Variants in ABTB3 observed in about 807,000 individuals in gnomAD.
ABTB3 encodes the protein ankyrin repeat and BTB domain containing 3.
At chr12:107,341,384 C>G in the ABTB3 span, among the ~76,000 whole-genome samples, 8 of 152,116 alleles carry the variant, frequency 5.3e-5, no homozygotes, top group Non-Finnish European at 1.2e-4. Flanking sequence ...TGCCCCAACC[C>G]CGTGAGGCTG....
chr12:107,423,651 A>G, the ABTB3 span, among the ~76,000 whole-genome samples: 2 of 152,114 alleles, frequency 1.3e-5, no homozygotes, highest in East Asian at 3.8e-4. Flanking sequence ...CGTGATGCCA[A>G]ATGACCCTGG....
chr12:107,635,372 A>G, the ABTB3 span: 5 of 1,613,966 alleles, frequency 3.1e-6, no homozygotes, highest in Non-Finnish European at 4.2e-6. Context: ...AATCAAACGG[A>G]AACAGACCTC....
chr12:107,354,608 C>T, the ABTB3 span, among the ~76,000 whole-genome samples: 2 of 152,194 alleles, frequency 1.3e-5, no homozygotes, highest in Non-Finnish European at 2.9e-5. Flanking sequence ...AAATAATATT[C>T]AATTGCATGG....
the ABTB3 span, among the ~76,000 whole-genome samples, chr12:107,504,109 C>T: frequency 5.3e-5 from 8 of 152,256 alleles, no homozygotes; most frequent in African/African-American, 1.7e-4. Flanking sequence ...CAATGACAAA[C>T]GAGAATTTAG....
chr12:107,521,263 T>TTTTGTGTGTG, the ABTB3 span, among the ~76,000 whole-genome samples: 1 of 142,864 alleles, frequency 7.0e-6, no homozygotes, highest in Non-Finnish European at 1.5e-5. Flanking sequence ...TTCATATAAG[T>TTTTGTGTGTG]TGTGTGTGTG....
At chr12:107,630,496 G>A in the ABTB3 span, among the ~76,000 whole-genome samples, 6 of 151,914 alleles carry the variant, frequency 3.9e-5, no homozygotes, top group Non-Finnish European at 8.8e-5. Flanking sequence ...ATTTTTAGAG[G>A]TGGGGTTTTG....
At chr12:107,527,235 A>G in the ABTB3 span, among the ~76,000 whole-genome samples, 1 of 151,810 alleles carries the variant, frequency 6.6e-6, no homozygotes, top group African/African-American at 2.4e-5. Flanking sequence ...CCCCACCAAG[A>G]CTGTAAATCC....
At chr12:107,451,607 C>T in the ABTB3 span, among the ~76,000 whole-genome samples, 1 of 152,150 alleles carries the variant, frequency 6.6e-6, no homozygotes, top group South Asian at 2.1e-4. Context: ...GCAGGCAAGG[C>T]CATTGGAATC....
chr12:107,593,939 C>T, the ABTB3 span, among the ~76,000 whole-genome samples: 3 of 152,270 alleles, frequency 2.0e-5, no homozygotes, highest in East Asian at 5.8e-4. Context: ...GGTCATATGC[C>T]CATACATAGC....
chr12:107,572,363 C>G, the ABTB3 span, among the ~76,000 whole-genome samples: 1 of 151,700 alleles, frequency 6.6e-6, no homozygotes, highest in East Asian at 2.0e-4. Flanking sequence ...TGTGAGAGGC[C>G]AGAAGTCCAA....
At chr12:107,496,817 G>C in the ABTB3 span, among the ~76,000 whole-genome samples, 1 of 152,158 alleles carries the variant, frequency 6.6e-6, no homozygotes, top group Non-Finnish European at 1.5e-5. Context: ...GAGTCAATAA[G>C]TAACAAAGCT....
At chr12:107,438,098 C>T in the ABTB3 span, among the ~76,000 whole-genome samples, 4 of 152,092 alleles carry the variant, frequency 2.6e-5, no homozygotes, top group African/African-American at 4.8e-5. Flanking sequence ...AGACCCTGAG[C>T]GGGGCCCAGA....
At chr12:107,471,668 C>A in the ABTB3 span, among the ~76,000 whole-genome samples, 1 of 152,134 alleles carries the variant, frequency 6.6e-6, no homozygotes, top group Non-Finnish European at 1.5e-5. Context: ...GCATCCCTGG[C>A]AAGAGACACA....
At chr12:107,654,142 T>C in the ABTB3 span, among the ~76,000 whole-genome samples, 1,152 of 152,334 alleles carry the variant, frequency 7.6e-3, 40 homozygotes, top group East Asian at 0.035. Flanking sequence ...CTGAATAATA[T>C]TTCATTGCAT....
chr12:107,410,292 A>G, the ABTB3 span, among the ~76,000 whole-genome samples: 1 of 150,868 alleles, frequency 6.6e-6, no homozygotes, highest in Non-Finnish European at 1.5e-5. Flanking sequence ...TAGGCAGAGG[A>G]AAAAGTACAA....
At chr12:107,374,582 G>A in the ABTB3 span, among the ~76,000 whole-genome samples, 2 of 152,164 alleles carry the variant, frequency 1.3e-5, no homozygotes, top group Non-Finnish European at 2.9e-5. Context: ...AGGATTCTTG[G>A]CTGTCCTGCT....
At chr12:107,602,791 G>T in the ABTB3 span, among the ~76,000 whole-genome samples, 3 of 152,136 alleles carry the variant, frequency 2.0e-5, no homozygotes, top group Non-Finnish European at 4.4e-5. Flanking sequence ...TTAACTCCCC[G>T]CCTCGGTGCC....
chr12:107,500,348 A>G, the ABTB3 span, among the ~76,000 whole-genome samples: 2 of 150,916 alleles, frequency 1.3e-5, no homozygotes, highest in Admixed American at 1.3e-4. Context: ...CCCCATGCCC[A>G]CCCCCAGGTT....
the ABTB3 span, among the ~76,000 whole-genome samples, chr12:107,644,303 G>C: frequency 6.6e-6 from 1 of 152,144 alleles, no homozygotes; most frequent in Non-Finnish European, 1.5e-5. Flanking sequence ...CTGAACCTCA[G>C]CTGCACATTA....
Sources: gnomAD v4.1 joint callset for allele counts (sites outside exome capture counted in the v4.1 genomes callset) on GRCh38, gnomAD v4.1.1 for gene constraint, MANE v1.5 for transcripts, NCBI Gene and HGNC (gene_info 2026-07-23, HGNC 2026-07-21) for gene names.